The following PRMT3 variants were observed in gnomAD, a reference collection of about 807,000 sequenced individuals.
PRMT3 encodes the protein protein arginine N-methyltransferase 3.
In PRMT3, 62 loss-of-function variants were observed where a neutral mutation model predicts 71.9. The observed-to-expected ratio is 0.86, with a 90% CI of 0.70 to 1.07. PRMT3 has a LOEUF of 1.07. Among genes scored for constraint, PRMT3 ranks in the 50% least tolerant of loss-of-function variants. The probability of loss-of-function intolerance (pLI) is 0.00; values close to 1 mark genes in which losing one functional copy is unlikely to be tolerated. For missense variants in PRMT3, 663 were observed against 643.0 expected, an observed-to-expected ratio of 1.03 and a Z score of -0.34; for synonymous variants, 213 against 220.4, an observed-to-expected ratio of 0.97 and a Z score of 0.30.
At chr11:20,406,458 T>C (rs1415579466) in intron 8 of PRMT3, 1 of 152,242 alleles carries the variant, frequency 6.6e-6, no homozygotes, top group African/African-American at 2.4e-5. Flanking sequence ...TTGACCTTGT[T>C]ACAGCGAATG....
intron 7 of PRMT3, 40 bp from the exon 8 acceptor site, chr11:20,402,879 A>G (rs752524989): frequency 2.7e-6 from 4 of 1,499,660 alleles, no homozygotes; most frequent in African/African-American, 2.8e-5. Flanking sequence ...ATTTGTTTAG[A>G]CTGTCCTATA....
intron 13 of PRMT3, among the ~76,000 whole-genome samples, chr11:20,492,703 A>G (rs947296355): frequency 6.6e-6 from 1 of 152,212 alleles, no homozygotes; most frequent in Non-Finnish European, 1.5e-5. Context: ...ATGGAATGGT[A>G]TTTAAATTTA....
intron 10 of PRMT3, among the ~76,000 whole-genome samples, chr11:20,448,363 A>T (rs1386026310): frequency 3.9e-5 from 6 of 152,176 alleles, no homozygotes; most frequent in African/African-American, 1.4e-4. Flanking sequence ...TCTACAGTGA[A>T]TGTTACAGAA....
At chr11:20,419,691 T>C (rs1849384221) in intron 9 of PRMT3, among the ~76,000 whole-genome samples, 1 of 152,188 alleles carries the variant, frequency 6.6e-6, no homozygotes, top group Non-Finnish European at 1.5e-5. Context: ...TGGTATTCTC[T>C]TTAGATGACC....
chr11:20,399,470 C>T (rs920526429), intron 7 of PRMT3, among the ~76,000 whole-genome samples: 2 of 151,970 alleles, frequency 1.3e-5, no homozygotes, highest in Non-Finnish European at 2.9e-5. Flanking sequence ...TATTTTAAGT[C>T]TCAGTGAATT....
intron 9 of PRMT3, among the ~76,000 whole-genome samples, chr11:20,423,653 T>C (rs1849474592): frequency 6.6e-6 from 1 of 152,124 alleles, no homozygotes; most frequent in Non-Finnish European, 1.5e-5. Context: ...TGTTATTCCA[T>C]TGAAGATAAT....
chr11:20,506,558 A>C, intron 15 of PRMT3, among the ~76,000 whole-genome samples: 1 of 152,078 alleles, frequency 6.6e-6, no homozygotes. Flanking sequence ...GAAAATAAAT[A>C]TAACAGGTGG....
chr11:20,462,257 G>T, intron 12 of PRMT3, 90 bp downstream of exon 12: 1 of 1,072,014 alleles, frequency 9.3e-7, no homozygotes. Context: ...TTTATATATG[G>T]GCTTTCAAAA....
intron 9 of PRMT3, among the ~76,000 whole-genome samples, chr11:20,416,783 C>T (rs371577572): frequency 4.6e-5 from 7 of 152,084 alleles, no homozygotes; most frequent in Non-Finnish European, 2.9e-5. Context: ...TAGAATAGCC[C>T]GTTATGGTTC....
intron 7 of PRMT3, among the ~76,000 whole-genome samples, chr11:20,399,541 A>G (rs1478728751): frequency 6.6e-6 from 1 of 152,100 alleles, no homozygotes; most frequent in East Asian, 1.9e-4. Flanking sequence ...TTATGTTTAG[A>G]GTATTTTCTT....
intron 13 of PRMT3, among the ~76,000 whole-genome samples, chr11:20,472,177 T>TA (rs762908423): frequency 1.1e-4 from 17 of 152,214 alleles, no homozygotes; most frequent in Non-Finnish European, 8.8e-5. Context: ...TCTTACTATT[T>TA]AAATATGCTT....
chr11:20,467,146 C>T lies in PRMT3; in HGVS notation c.1347+2600C>T, dbSNP rs575908409. ...ATTGTTACAAACCATTTATTGGATGCATGCCAGGTACTGAAGATAAAATAT... is the reference window on the plus strand; with the variant it reads ...ATTGTTACAAACCATTTATTGGATGTATGCCAGGTACTGAAGATAAAATAT... On this transcript the variant is annotated intron_variant, in intron 13 of 15. Transcript: ENST00000331079. Among the ~76,000 whole-genome samples, 242 of 152,260 alleles carry T rather than the reference C, an allele frequency of 1.6e-3. 1 individual carries two copies. The highest frequency in any genetic ancestry group is 6.8e-3 in the Middle Eastern group (2 of 294).
chr11:20,420,358 G>A (rs1297623747), intron 9 of PRMT3, among the ~76,000 whole-genome samples: 1 of 152,182 alleles, frequency 6.6e-6, no homozygotes, highest in Admixed American at 6.5e-5. Context: ...GTAAACTAGA[G>A]TTAGAAAGCA....
At chr11:20,487,067 AAAAAG>A (rs1851092592) in intron 13 of PRMT3, among the ~76,000 whole-genome samples, 1 of 151,870 alleles carries the variant, frequency 6.6e-6, no homozygotes, top group African/African-American at 2.4e-5. Flanking sequence ...AAGAAAAAAA[AAAAAG>A]AAGAAGAAGA....
At chr11:20,403,141 A>G (rs551873630) in intron 8 of PRMT3, among the ~76,000 whole-genome samples, 157 bp downstream of exon 8, 1 of 152,244 alleles carries the variant, frequency 6.6e-6, no homozygotes, top group Non-Finnish European at 1.5e-5. Flanking sequence ...CAGAGTACCA[A>G]TAACAAATGC....
intron 13 of PRMT3, among the ~76,000 whole-genome samples, chr11:20,471,121 C>A (rs891566790): frequency 6.6e-6 from 1 of 151,562 alleles, no homozygotes; most frequent in Non-Finnish European, 1.5e-5. Context: ...GAATATTAGA[C>A]CTTTGTCAGA....
intron 10 of PRMT3, 148 bp downstream of exon 10, chr11:20,427,013 AT>A (rs1849561707): frequency 1.7e-6 from 2 of 1,190,072 alleles, no homozygotes; most frequent in East Asian, 6.7e-5. Flanking sequence ...ATAATGTGTA[AT>A]TTAAAAAAAT....
intron 10 of PRMT3, among the ~76,000 whole-genome samples, chr11:20,447,187 G>A (rs1269259636): frequency 6.6e-6 from 1 of 152,006 alleles, no homozygotes; most frequent in Non-Finnish European, 1.5e-5. Flanking sequence ...GAACACAGTA[G>A]ATTAGGAAAG....
intron 9 of PRMT3, among the ~76,000 whole-genome samples, chr11:20,414,825 G>T (rs1849267071): frequency 6.6e-6 from 1 of 152,092 alleles, no homozygotes; most frequent in Non-Finnish European, 1.5e-5. Context: ...AAAGTCTAGA[G>T]AATATTTTGA....
Sources: allele counts gnomAD v4.1 joint callset (sites outside exome capture counted in the v4.1 genomes callset), GRCh38; gene constraint gnomAD v4.1.1; transcripts MANE v1.5; gene names NCBI Gene and HGNC (gene_info 2026-07-23, HGNC 2026-07-21).